Variants in GRB14 observed in about 807,000 individuals in gnomAD.
GRB14 encodes the protein growth factor receptor bound protein 14.
GRB14 carries 38 observed loss-of-function variants against 69.1 expected under a neutral mutation model. That is an observed-to-expected ratio of 0.55 (90% CI 0.42 to 0.72). The LOEUF (loss-of-function observed/expected upper bound fraction) is 0.72, where lower values mean the gene tolerates loss of function less well. GRB14 is among the 30% of genes least tolerant of loss of function. The pLI is 0.00. For missense variants in GRB14, 666 were observed against 666.1 expected (o/e 1.00, Z 0.00); for synonymous variants, 247 against 241.3 (o/e 1.02, Z -0.22).
intron 5 of GRB14, among the ~76,000 whole-genome samples, chr2:164,523,360 G>C (rs1205545386): frequency 1.3e-5 from 2 of 151,898 alleles, no homozygotes; most frequent in African/African-American, 4.8e-5. Flanking sequence ...TAGCTCAACT[G>C]AGCGTTTGTG....
intron 2 of GRB14, among the ~76,000 whole-genome samples, chr2:164,591,288 G>A (rs1283880172): frequency 6.6e-6 from 1 of 152,132 alleles, no homozygotes; most frequent in African/African-American, 2.4e-5. Context: ...AGTCCATTAA[G>A]TAAGGGGTTT....
At chr2:164,534,580 A>G (rs1688033057) in intron 3 of GRB14, among the ~76,000 whole-genome samples, 2 of 152,308 alleles carry the variant, frequency 1.3e-5, no homozygotes, top group East Asian at 3.9e-4. Context: ...GCCTTGGTCT[A>G]GCCAAAAAAC....
chr2:164,579,548 C>T (rs1689343272), intron 2 of GRB14, among the ~76,000 whole-genome samples: 1 of 150,866 alleles, frequency 6.6e-6, no homozygotes, highest in South Asian at 2.1e-4. Flanking sequence ...CTTACTCACA[C>T]TGGGACCATT....
chr2:164,585,960 C>T (rs1432453163), intron 2 of GRB14, among the ~76,000 whole-genome samples: 1 of 152,154 alleles, frequency 6.6e-6, no homozygotes, highest in African/African-American at 2.4e-5. Flanking sequence ...TACTGTTAGA[C>T]CTTAGTAGAT....
chr2:164,619,809 T>C lies in GRB14; in HGVS notation c.202A>G (p.Lys68Glu), dbSNP rs761638949. ...RGCAADRRKK[K>E]DLDVPEMPSI... The stretch of plus-strand genomic sequence containing the variant: ...GGCATTTCCGGAACATCAAGATCTT[T>C]CTTTTTTCTCCTACAGTAAGAGAAC... Residue 68 changes from lysine (K) to glutamate (E), a missense_variant, in exon 2 of 14, where the codon AAA (lysine) becomes GAA (glutamate). By Grantham distance (56) the Lys-to-Glu change is moderately conservative. Transcript: ENST00000263915. The C allele has an allele frequency of 4.4e-6, 7 of 1,608,420 alleles. No homozygotes were observed. Among genetic ancestry groups the C allele is most frequent in the Non-Finnish European group, 5.1e-6 (6 of 1,177,002 alleles).
At chr2:164,493,564 A>G (rs1686815133) in intron 13 of GRB14, among the ~76,000 whole-genome samples, 1 of 152,176 alleles carries the variant, frequency 6.6e-6, no homozygotes, top group African/African-American at 2.4e-5. Flanking sequence ...TAGCCACAAA[A>G]ATGAATATTT....
intron 2 of GRB14, among the ~76,000 whole-genome samples, chr2:164,579,662 C>T (rs920172902): frequency 2.0e-5 from 3 of 152,206 alleles, no homozygotes; most frequent in Middle Eastern, 3.4e-3. Flanking sequence ...ACACTTCACA[C>T]AGACAGTGGC....
intron 2 of GRB14, among the ~76,000 whole-genome samples, chr2:164,603,627 C>A (rs1403684754): frequency 2.0e-5 from 3 of 149,524 alleles, no homozygotes; most frequent in African/African-American, 7.4e-5. Flanking sequence ...CGAGCCACTG[C>A]AATCTAACCT....
Position 164,547,834 on chromosome 2 carries a change from A to T in GRB14, c.325-18T>A. 6.4e-7 allele frequency: 1 copy of T among 1,566,946 alleles called. No homozygotes were observed. The highest frequency in any genetic ancestry group is 8.7e-7 in the Non-Finnish European group (1 of 1,150,866). On this transcript the variant is annotated intron_variant, in intron 2 of 13. Transcript: ENST00000263915. ...TTAATCACCTGTGTAGGTAGAAACA[A>T]GAAAAAGACCTAAAATATTCCTGTT...
At chr2:164,524,558 C>A (rs1407799350) in intron 5 of GRB14, among the ~76,000 whole-genome samples, 1 of 152,020 alleles carries the variant, frequency 6.6e-6, no homozygotes, top group Non-Finnish European at 1.5e-5. Flanking sequence ...ACATTTGCAT[C>A]CTGTATCTTT....
intron 2 of GRB14, among the ~76,000 whole-genome samples, chr2:164,567,764 C>T (rs549525040): frequency 6.6e-6 from 1 of 152,056 alleles, no homozygotes; most frequent in Admixed American, 6.5e-5. Flanking sequence ...AACAGAAAGC[C>T]CTTTCACAGG....
chr2:164,602,258 T>C (rs1187176330), intron 2 of GRB14, among the ~76,000 whole-genome samples: 1 of 152,098 alleles, frequency 6.6e-6, no homozygotes, highest in Non-Finnish European at 1.5e-5. Flanking sequence ...CCTATCTCTG[T>C]AATTTTAATC....
In GRB14 at chr2:164,492,876, C is replaced by T; in HGVS notation, c.*160G>A. The T allele has an allele frequency of 1.8e-6, 1 of 555,080 alleles. No homozygotes were observed. Among genetic ancestry groups the T allele is most frequent in the Non-Finnish European group, 3.0e-6 (1 of 332,084 alleles). 34.4% of individuals were successfully genotyped at this position (555,080 alleles called of 1,614,324 possible). On this transcript the variant is annotated 3_prime_UTR_variant, in exon 14 of 14. Coordinates refer to ENST00000263915, the MANE Select transcript of GRB14 (RefSeq NM_004490.3). Reference sequence around the variant, plus strand: ...TTAAATGATGAATGTAAAGTCAATCCAAGTCTTTGCTTATTTGCAATGCAC... The same window carrying T: ...TTAAATGATGAATGTAAAGTCAATCTAAGTCTTTGCTTATTTGCAATGCAC...
intron 2 of GRB14, among the ~76,000 whole-genome samples, chr2:164,604,918 A>G (rs1007238219): frequency 1.3e-5 from 2 of 152,202 alleles, no homozygotes; most frequent in African/African-American, 2.4e-5. Context: ...GGGGCAATGA[A>G]AATGTTTTGA....
chr2:164,590,889 G>A (rs1308812226), intron 2 of GRB14, among the ~76,000 whole-genome samples: 1 of 152,132 alleles, frequency 6.6e-6, no homozygotes, highest in Non-Finnish European at 1.5e-5. Context: ...TTGCAAAGCT[G>A]CCACTTGATT....
chr2:164,621,361 A>C lies in GRB14; in HGVS notation c.-52T>G. 1.6e-6 allele frequency: 2 copies of C among 1,246,698 alleles called. No individual in the cohort carries two copies. The highest frequency in any genetic ancestry group is 6.0e-5 in the East Asian group (2 of 33,412). 77.2% of individuals were successfully genotyped at this position (1,246,698 alleles called of 1,614,324 possible). On this transcript the variant is annotated 5_prime_UTR_variant, in exon 1 of 14. Coordinates refer to ENST00000263915, the MANE Select transcript of GRB14 (RefSeq NM_004490.3). This position sits in a 1 kb window ranked among gnomAD's most constrained non-coding sequence, Gnocchi z 6.0. ...CATGGGAGACTCGGCGCGTGGGGAG[A>C]AGGGGTTTGCGCGGCGGGAGGCGAG... is the stretch of plus-strand genomic sequence containing the variant.
At chr2:164,538,855 A>T (rs918316721) in intron 3 of GRB14, among the ~76,000 whole-genome samples, 4 of 152,104 alleles carry the variant, frequency 2.6e-5, no homozygotes, top group African/African-American at 9.7e-5. Context: ...TATAAGGTGA[A>T]CTGGGTTGGC....
Position 164,492,973 on chromosome 2 carries a change from G to T in GRB14, c.*63C>A. On this transcript the variant is annotated 3_prime_UTR_variant, in exon 14 of 14. Coordinates refer to ENST00000263915, the MANE Select transcript of GRB14 (RefSeq NM_004490.3). Reference sequence around the variant, plus strand: ...GGTAATGTTTTCGCCCTTATTTATGGTCTTTTATTATTTTTCTTGAGTCCT... The same window carrying T: ...GGTAATGTTTTCGCCCTTATTTATGTTCTTTTATTATTTTTCTTGAGTCCT... 2.8e-6 allele frequency: 4 copies of T among 1,445,672 alleles called. No individual in the cohort carries two copies. Among genetic ancestry groups the T allele is most frequent in the South Asian group, 2.7e-5 (2 of 73,200 alleles). 89.6% of individuals were successfully genotyped at this position (1,445,672 alleles called of 1,614,324 possible).
intron 2 of GRB14, among the ~76,000 whole-genome samples, chr2:164,587,068 A>G (rs540052930): frequency 3.9e-4 from 60 of 152,352 alleles, no homozygotes; most frequent in African/African-American, 1.4e-3. Flanking sequence ...ATTTTTTAAC[A>G]TATTTTAATG....
Sources: allele counts gnomAD v4.1 joint callset (sites outside exome capture counted in the v4.1 genomes callset), GRCh38; gene constraint gnomAD v4.1.1; non-coding constraint Gnocchi (gnomAD v3.1); transcripts MANE v1.5; gene names NCBI Gene and HGNC (gene_info 2026-07-23, HGNC 2026-07-21).